LRP1B: variants seen among roughly 807,000 people sequenced by gnomAD.
The protein encoded by LRP1B is low-density lipoprotein receptor-related protein 1B.
Under a neutral mutation model 556.6 loss-of-function variants are expected in LRP1B, and 217 were observed. The ratio of observed to expected loss-of-function variants is 0.39; its 90% CI spans 0.35 to 0.44. LRP1B has a LOEUF of 0.44. Among genes scored for constraint, LRP1B ranks in the 20% least tolerant of loss-of-function variants. The pLI is 1.00. For synonymous variants in LRP1B, 2,047 were observed against 1,865.8 expected, an observed-to-expected ratio of 1.10 and a Z score of -2.50; for missense variants, 5,053 against 5,620.8, an observed-to-expected ratio of 0.90 and a Z score of 3.23.
intron 2 of LRP1B, among the ~76,000 whole-genome samples, chr2:141,690,396 A>AATAAATACATAT (rs5834858): frequency 3.7e-5 from 1 of 26,936 alleles, no homozygotes; most frequent in South Asian, 1.5e-3. Flanking sequence ...TACATCTATA[A>AATAAATACATAT]ATATATATAT....
At chr2:140,881,168 T>C (rs1014287038) in intron 25 of LRP1B, among the ~76,000 whole-genome samples, 6 of 152,092 alleles carry the variant, frequency 3.9e-5, no homozygotes, top group Non-Finnish European at 8.8e-5. Context: ...GTTTATATTG[T>C]ACATAGCACT....
chr2:140,601,404 T>C, intron 42 of LRP1B, 46 bp downstream of exon 42: 9 of 1,358,516 alleles, frequency 6.6e-6, no homozygotes, highest in Non-Finnish European at 8.9e-6. Flanking sequence ...TGATATTCTT[T>C]TGACTTATAA....
At chr2:140,890,130 G>A (rs903270836) in intron 23 of LRP1B, among the ~76,000 whole-genome samples, 1 of 151,424 alleles carries the variant, frequency 6.6e-6, no homozygotes, top group African/African-American at 2.4e-5. Flanking sequence ...TTCCAGATGG[G>A]TACATAATGT....
intron 32 of LRP1B, among the ~76,000 whole-genome samples, chr2:140,782,942 G>A (rs1689752560): frequency 6.6e-6 from 1 of 152,068 alleles, no homozygotes. Flanking sequence ...GCAGGAGTAT[G>A]GCATTAACTC....
At chr2:141,640,734 C>T (rs149215910) in intron 2 of LRP1B, among the ~76,000 whole-genome samples, 1,854 of 152,016 alleles carry the variant, frequency 0.012, 18 homozygotes, top group Middle Eastern at 0.017. Context: ...GTGGAGGTTG[C>T]AGTGAGCTGA....
At chr2:140,869,582 C>T (rs60613059) in intron 25 of LRP1B, among the ~76,000 whole-genome samples, 5,339 of 151,848 alleles carry the variant, frequency 0.035, 290 homozygotes, top group African/African-American at 0.12. Context: ...ATATAAAAGA[C>T]CAGAAAAGAT....
intron 5 of LRP1B, among the ~76,000 whole-genome samples, chr2:141,239,027 GT>G (rs952417756): frequency 1.3e-5 from 2 of 152,006 alleles, no homozygotes; most frequent in African/African-American, 4.8e-5. Context: ...CAGAGGGTAA[GT>G]TTTTAAGGCC....
chr2:140,607,690 C>T (rs112026796), intron 41 of LRP1B, among the ~76,000 whole-genome samples: 104 of 151,462 alleles, frequency 6.9e-4, no homozygotes, highest in Non-Finnish European at 1.1e-3. Flanking sequence ...TATATGTATA[C>T]ATATACATAC....
chr2:141,691,443 A>T (rs981969430), intron 2 of LRP1B, among the ~76,000 whole-genome samples: 1 of 68,610 alleles, frequency 1.5e-5, no homozygotes, highest in Non-Finnish European at 2.8e-5. Flanking sequence ...GGAAAAAAAA[A>T]AAGTTGGCCA....
At chr2:140,603,566 A>G (rs1322120814) in intron 41 of LRP1B, among the ~76,000 whole-genome samples, 2 of 152,128 alleles carry the variant, frequency 1.3e-5, no homozygotes, top group African/African-American at 4.8e-5. Flanking sequence ...TAACCATGAC[A>G]TATCTTCCTC....
intron 15 of LRP1B, among the ~76,000 whole-genome samples, chr2:140,995,947 G>C (rs1023830850): frequency 6.6e-6 from 1 of 151,962 alleles, no homozygotes. Flanking sequence ...TAAAGAATTT[G>C]TGTTTCATGG....
At chr2:140,858,602 G>A (rs867952927) in intron 27 of LRP1B, among the ~76,000 whole-genome samples, 4 of 151,738 alleles carry the variant, frequency 2.6e-5, no homozygotes, top group South Asian at 2.1e-4. Context: ...AAGTTCCAGG[G>A]TACATGTGTA....
chr2:141,493,447 G>T (rs1683406679), intron 2 of LRP1B, among the ~76,000 whole-genome samples: 1 of 152,126 alleles, frequency 6.6e-6, no homozygotes, highest in African/African-American at 2.4e-5. Flanking sequence ...TTTAACAACA[G>T]ATGAAATATA....
intron 3 of LRP1B, among the ~76,000 whole-genome samples, chr2:141,268,211 T>C (rs966737975): frequency 3.3e-5 from 5 of 152,152 alleles, no homozygotes; most frequent in African/African-American, 9.7e-5. Context: ...TCTTCACTTA[T>C]GCACTTTGCC....
intron 8 of LRP1B, among the ~76,000 whole-genome samples, chr2:141,059,426 A>G (rs919082489): frequency 6.6e-6 from 1 of 151,800 alleles, no homozygotes; most frequent in African/African-American, 2.4e-5. Context: ...ACTTGTTTAT[A>G]TAATAATGGA....
chr2:141,735,452 G>T (rs1043514126), intron 2 of LRP1B, among the ~76,000 whole-genome samples: 4 of 121,412 alleles, frequency 3.3e-5, no homozygotes, highest in African/African-American at 1.3e-4. Flanking sequence ...ATAGAAGATG[G>T]AACTATAAGC....
intron 25 of LRP1B, among the ~76,000 whole-genome samples, chr2:140,874,744 C>T (rs915926907): frequency 6.6e-6 from 1 of 151,786 alleles, no homozygotes; most frequent in Non-Finnish European, 1.5e-5. Context: ...CCAGGCTGGG[C>T]GTGGTGGCTC....
At chr2:141,026,833 A>T (rs1247858351) in intron 11 of LRP1B, among the ~76,000 whole-genome samples, 1 of 152,156 alleles carries the variant, frequency 6.6e-6, no homozygotes, top group Non-Finnish European at 1.5e-5. Context: ...TTGTGAATTC[A>T]GTATGCTAGG....
intron 6 of LRP1B, among the ~76,000 whole-genome samples, chr2:141,217,169 T>A (rs567011494): frequency 1.3e-5 from 2 of 152,164 alleles, no homozygotes; most frequent in African/African-American, 4.8e-5. Context: ...GGCGTTTGGG[T>A]CATGGGGGTA....
Sources: gnomAD v4.1 joint callset for allele counts (sites outside exome capture counted in the v4.1 genomes callset) on GRCh38, gnomAD v4.1.1 for gene constraint, MANE v1.5 for transcripts, NCBI Gene and HGNC (gene_info 2026-07-23, HGNC 2026-07-21) for gene names.